Variants in PCDH15 observed in about 807,000 individuals in gnomAD.
PCDH15 encodes the protein protocadherin related 15, also known as protocadherin-15.
A neutral mutation model predicts 178.5 loss-of-function variants in PCDH15; 129 were observed. The observed-to-expected ratio is 0.72, with a 90% confidence interval of 0.63 to 0.84. The LOEUF is 0.84. Ranked by LOEUF, PCDH15 falls within the 40% of genes least tolerant of loss-of-function variation. The pLI is 0.00. For missense variants in PCDH15, 2,230 were observed against 2,099.9 expected (o/e 1.06, Z -1.21); for synonymous variants, 800 against 732.0 (o/e 1.09, Z -1.50).
At chr10:54,413,334 C>T (rs561078710) in intron 3 of PCDH15, among the ~76,000 whole-genome samples, 7 of 152,074 alleles carry the variant, frequency 4.6e-5, no homozygotes, top group Non-Finnish European at 8.8e-5. Flanking sequence ...AGTCCAGGAA[C>T]CACTTGATCA....
intron 25 of PCDH15, chr10:53,907,045 A>T (rs1380768183): frequency 6.6e-6 from 1 of 152,216 alleles, no homozygotes; most frequent in Non-Finnish European, 1.5e-5. Context: ...AAATAAGTAT[A>T]CACCTATAGT....
chr10:53,867,265 G>C (rs570498356), intron 26 of PCDH15, among the ~76,000 whole-genome samples: 11 of 151,728 alleles, frequency 7.2e-5, no homozygotes, highest in Non-Finnish European at 1.2e-4. Context: ...TCTGTTCCTG[G>C]CTTATTTCAT....
At chr10:55,584,198 C>CT (rs1842679589) in intron 2 of PCDH15, among the ~76,000 whole-genome samples, 1 of 152,028 alleles carries the variant, frequency 6.6e-6, no homozygotes, top group Admixed American at 6.6e-5. Flanking sequence ...AAAATAAATA[C>CT]TTTTTTATTA....
At chr10:54,358,640 A>G (rs1945456263) in intron 5 of PCDH15, among the ~76,000 whole-genome samples, 1 of 151,996 alleles carries the variant, frequency 6.6e-6, no homozygotes, top group Non-Finnish European at 1.5e-5. Flanking sequence ...ATACCATTTG[A>G]CCCAGCCATC....
At chr10:55,603,712 C>G (rs1308813224) in intron 2 of PCDH15, among the ~76,000 whole-genome samples, 6 of 148,240 alleles carry the variant, frequency 4.0e-5, no homozygotes, top group Non-Finnish European at 6.0e-5. Flanking sequence ...TTTGTCACCA[C>G]CAGGCCTGCC....
intron 2 of PCDH15, among the ~76,000 whole-genome samples, chr10:54,927,960 C>T (rs766608466): frequency 3.3e-5 from 5 of 151,780 alleles, no homozygotes; most frequent in African/African-American, 4.8e-5. Context: ...TGTTACGTGT[C>T]GGTGTGATTC....
intron 2 of PCDH15, among the ~76,000 whole-genome samples, chr10:54,578,196 TA>T (rs1251270974): frequency 2.0e-5 from 3 of 152,074 alleles, no homozygotes; most frequent in Non-Finnish European, 4.4e-5. Flanking sequence ...TGTAGTTCTT[TA>T]AAAAAATCCT....
chr10:54,459,898 T>C (rs2077065337), intron 3 of PCDH15, among the ~76,000 whole-genome samples: 1 of 152,166 alleles, frequency 6.6e-6, no homozygotes, highest in African/African-American at 2.4e-5. Flanking sequence ...ATGTCAAATC[T>C]TGCTCTTAAT....
intron 25 of PCDH15, among the ~76,000 whole-genome samples, chr10:53,936,589 T>G (rs181456482): frequency 6.6e-6 from 1 of 152,254 alleles, no homozygotes; most frequent in Admixed American, 6.5e-5. Context: ...CCAAGTAAAA[T>G]GTTAAAATAT....
intron 25 of PCDH15, among the ~76,000 whole-genome samples, chr10:53,934,546 C>G (rs2085388293): frequency 6.6e-6 from 1 of 151,252 alleles, no homozygotes; most frequent in African/African-American, 2.4e-5. Context: ...TGCAGTGAGC[C>G]CAGATCACGC....
At chr10:54,049,564 G>A (rs2093723546) in intron 18 of PCDH15, among the ~76,000 whole-genome samples, 2 of 151,428 alleles carry the variant, frequency 1.3e-5, no homozygotes, top group South Asian at 4.2e-4. Context: ...TTTCTTGTGG[G>A]TTTTTATCAT....
chr10:55,115,003 T>G (rs577615148), intron 2 of PCDH15, among the ~76,000 whole-genome samples: 8 of 152,326 alleles, frequency 5.3e-5, no homozygotes, highest in African/African-American at 1.9e-4. Context: ...ATGAAATAGT[T>G]AATGTTAAGT....
chr10:55,125,653 C>A (rs186619691), intron 2 of PCDH15, among the ~76,000 whole-genome samples: 1 of 152,186 alleles, frequency 6.6e-6, no homozygotes, highest in East Asian at 1.9e-4. Flanking sequence ...AAAGCAAAAT[C>A]TCATCAGCTA....
At chr10:54,250,809 T>C (rs1312650659) in intron 8 of PCDH15, among the ~76,000 whole-genome samples, 2 of 152,188 alleles carry the variant, frequency 1.3e-5, no homozygotes, top group Admixed American at 1.3e-4. Context: ...GTTAAATGTC[T>C]CTAATGTGTT....
At position 55,142,412 on chromosome 10, in the gene PCDH15, A is replaced by T. The variant is rs1405453753; in HGVS notation, c.-80+24164T>A. ...CTACCAAAATTGTTAATATGGATGT[A>T]GATTCAGATATAGCTATAAATGGAT... On this transcript the variant is annotated intron_variant, in intron 2 of 5. Coordinates refer to the PCDH15 transcript ENST00000458638. Among the ~76,000 whole-genome samples the T allele has an allele frequency of 8.6e-5, 13 of 151,866 alleles. No individual in the cohort carries two copies. In the East Asian group the frequency reaches 2.5e-3, roughly 30 times the overall value.
intron 1 of PCDH15, among the ~76,000 whole-genome samples, chr10:55,189,189 C>A (rs1458798781): frequency 1.3e-5 from 2 of 151,872 alleles, no homozygotes. Flanking sequence ...CATATTTTGA[C>A]TGAATTAGCT....
At chr10:55,023,826 C>A (rs1409870383) in intron 2 of PCDH15, among the ~76,000 whole-genome samples, 1 of 150,810 alleles carries the variant, frequency 6.6e-6, no homozygotes, top group Non-Finnish European at 1.5e-5. Flanking sequence ...TATATATACA[C>A]ACACACTCAT....
At chr10:54,840,080 G>A (rs1203883414) in intron 3 of PCDH15, among the ~76,000 whole-genome samples, 1 of 151,970 alleles carries the variant, frequency 6.6e-6, no homozygotes, top group East Asian at 1.9e-4. Context: ...GGAATAAATG[G>A]ACACTAAGTA....
chr10:55,130,270 G>A (rs1838005422), intron 2 of PCDH15, among the ~76,000 whole-genome samples: 1 of 152,116 alleles, frequency 6.6e-6, no homozygotes, highest in African/African-American at 2.4e-5. Context: ...AGGAGACTCT[G>A]AAAGGATGTG....
Sources: gnomAD v4.1 joint callset for allele counts (sites outside exome capture counted in the v4.1 genomes callset) on GRCh38, gnomAD v4.1.1 for gene constraint, MANE v1.5 for transcripts, NCBI Gene and HGNC (gene_info 2026-07-23, HGNC 2026-07-21) for gene names.